Variants in CRTC1 observed in about 807,000 individuals in gnomAD.
CRTC1 encodes the protein CREB-regulated transcription coactivator 1.
CRTC1 carries 18 observed loss-of-function variants against 66.1 expected under a neutral mutation model. The observed-to-expected ratio is 0.27, with a 90% CI of 0.19 to 0.40. The LOEUF (loss-of-function observed/expected upper bound fraction) is 0.40, where lower values mean the gene tolerates loss of function less well. CRTC1 is among the 10% of genes least tolerant of loss of function. The pLI is 1.00. For missense variants in CRTC1, 669 were observed against 887.9 expected, an observed-to-expected ratio of 0.75 and a Z score of 3.13; for synonymous variants, 416 against 398.8, an observed-to-expected ratio of 1.04 and a Z score of -0.51.
chr19:18,730,904 G>C (rs1391329587), intron 1 of CRTC1, among the ~76,000 whole-genome samples: 2 of 152,184 alleles, frequency 1.3e-5, no homozygotes, highest in Admixed American at 1.3e-4. Context: ...AGCTTGGAGA[G>C]GGAAGGGCTT....
intron 5 of CRTC1, among the ~76,000 whole-genome samples, chr19:18,752,644 TC>T (rs1163871715): frequency 6.6e-6 from 1 of 150,740 alleles, no homozygotes; most frequent in African/African-American, 2.4e-5. Context: ...TCTCTTTCTT[TC>T]TTTTTTTTTT....
intron 1 of CRTC1, among the ~76,000 whole-genome samples, chr19:18,726,934 A>G (rs1183317241): frequency 3.4e-4 from 51 of 150,312 alleles, no homozygotes; most frequent in African/African-American, 9.8e-4. Flanking sequence ...TTGGGGAAAA[A>G]AAAAAAAAAA....
In CRTC1 at chr19:18,703,417, G is replaced by A. The variant is rs571167293; in HGVS notation, c.126+19589G>A. ...CCTTTAAGCACCTTCTCTGGACAGG[G>A]TTGTGTGTTGCATTTATTTACTTAC... is the stretch of plus-strand genomic sequence containing the variant. On this transcript the variant is annotated intron_variant, in intron 1 of 13. Transcript: ENST00000321949. Among the ~76,000 whole-genome samples the A allele has an allele frequency of 2.0e-5, 3 of 152,248 alleles. No individual in the cohort carries two copies. The South Asian group carries it at 6.2e-4, about 32-fold the overall frequency.
intron 1 of CRTC1, among the ~76,000 whole-genome samples, chr19:18,728,450 A>G (rs910240692): frequency 6.6e-6 from 1 of 152,172 alleles, no homozygotes; most frequent in African/African-American, 2.4e-5. Context: ...AAGTCACTTG[A>G]AAAAGCAGTC....
At chr19:18,776,945 C>G (rs1041568999) in intron 13 of CRTC1, among the ~76,000 whole-genome samples, 1 of 152,202 alleles carries the variant, frequency 6.6e-6, no homozygotes, top group East Asian at 1.9e-4. Context: ...ACATCTGGAG[C>G]TGACATCTAG....
In CRTC1 at chr19:18,780,275, A is replaced by G. The variant is rs754679045; in HGVS notation, c.*2893A>G. On this transcript the variant is annotated 3_prime_UTR_variant, in exon 14 of 14. Coordinates refer to ENST00000321949, the MANE Select transcript of CRTC1 (RefSeq NM_015321.3). ...CTTCTGCAGACCCTCTGCTGGGTAC[A>G]TCGGTCCCCTACGGCGAAGTTCAGC... The G allele has an allele frequency of 3.5e-5, 8 of 231,296 alleles. No homozygotes were observed. Among genetic ancestry groups the G allele is most frequent in the Non-Finnish European group, 6.0e-5 (7 of 116,928 alleles). 14.3% of individuals were successfully genotyped at this position (231,296 alleles called of 1,614,324 possible). A position where few individuals can be genotyped will look rare whatever the true frequency, so the allele number is the denominator to read the frequency against.
In CRTC1 at chr19:18,721,775, G is replaced by A. The variant is rs530407779; in HGVS notation, c.127-21135G>A. 7.4e-4 allele frequency among the ~76,000 whole-genome samples: 113 copies of A among 152,320 alleles called. 1 individual carries two copies. The highest frequency in any genetic ancestry group is 2.6e-3 in the African/African-American group (108 of 41,566). On this transcript the variant is annotated intron_variant, in intron 1 of 13. Coordinates refer to ENST00000321949, the MANE Select transcript of CRTC1 (RefSeq NM_015321.3). Reference sequence around the variant, plus strand: ...CTCCCAAAGTGTTGGGATTATAGGCGTGAGCCATGCACCTGGCCTCGACCT... The same window carrying A: ...CTCCCAAAGTGTTGGGATTATAGGCATGAGCCATGCACCTGGCCTCGACCT...
chr19:18,769,847 G>C (rs1342060374), intron 10 of CRTC1, among the ~76,000 whole-genome samples: 1 of 152,120 alleles, frequency 6.6e-6, no homozygotes, highest in African/African-American at 2.4e-5. Context: ...TAGCCTCCTG[G>C]GGTTGAGGGG....
In CRTC1 at chr19:18,768,915, G is replaced by T; in HGVS notation, c.1320+122G>T. ...AGGGGTCAGAACCCCAGCGAACGCT[G>T]CCTGGGCCCACCTCTCCACGGGGCT... On this transcript the variant is annotated intron_variant, in intron 10 of 13. Transcript: ENST00000321949. The surrounding 1 kb of genome is among the most constrained non-coding windows in gnomAD (Gnocchi z 5.6). 7.8e-7 allele frequency: 1 copy of T among 1,281,392 alleles called. No individual in the cohort carries two copies. The highest frequency in any genetic ancestry group is 1.1e-6 in the Non-Finnish European group (1 of 951,794). The allele number at this position is 1,281,392 out of a possible 1,614,324, so 79.4% of individuals were successfully genotyped here. A position where few individuals can be genotyped will look rare whatever the true frequency, so the allele number is the denominator to read the frequency against.
At chr19:18,720,087 G>C (rs945570075) in intron 1 of CRTC1, among the ~76,000 whole-genome samples, 1 of 152,244 alleles carries the variant, frequency 6.6e-6, no homozygotes, top group East Asian at 1.9e-4. Context: ...ATAGACGTGT[G>C]CTTGCACATT....
At chr19:18,718,936 G>A (rs571408084) in intron 1 of CRTC1, among the ~76,000 whole-genome samples, 3 of 152,240 alleles carry the variant, frequency 2.0e-5, no homozygotes, top group African/African-American at 7.2e-5. Context: ...AGCATAACAC[G>A]ATTTGAACTG....
At chr19:18,751,192 C>G (rs1050278174) in intron 5 of CRTC1, among the ~76,000 whole-genome samples, 1 of 152,032 alleles carries the variant, frequency 6.6e-6, no homozygotes, top group African/African-American at 2.4e-5. Flanking sequence ...CTCCCAGTTA[C>G]AAGTAAAAAA....
chr19:18,776,766 G>A (rs2054998301), intron 13 of CRTC1, among the ~76,000 whole-genome samples: 1 of 152,212 alleles, frequency 6.6e-6, no homozygotes, highest in Admixed American at 6.5e-5. Context: ...ATTCCCTCCA[G>A]CCCTAGCAGC....
At chr19:18,688,729 C>T (rs888781468) in intron 1 of CRTC1, among the ~76,000 whole-genome samples, 8 of 152,048 alleles carry the variant, frequency 5.3e-5, no homozygotes, top group Middle Eastern at 3.2e-3. Flanking sequence ...TGAGCCACGG[C>T]GCCTGGCCCC....
chr19:18,764,622 T>G (rs947962830), intron 8 of CRTC1, among the ~76,000 whole-genome samples: 8 of 152,164 alleles, frequency 5.3e-5, no homozygotes, highest in Non-Finnish European at 1.0e-4. Context: ...TGGCAGGACC[T>G]CCAGCAGGAA....
rs1379086459 is a variant in CRTC1, at chr19:18,683,720, T to C, written c.18T>C (p.Asn6=). The change falls in exon 1 of 14, where the codon AAT becomes AAC. Residue 6 remains asparagine, a synonymous_variant. Transcript: ENST00000321949. ...GCGAGAAGATGGCGACTTCGAACAA[T>C]CCGCGGAAATTCAGCGAGAAGATCG... MATSN[N]PRKFSEKIAL... is the part of the protein sequence containing the mutation. 2 of 1,398,864 alleles carry C rather than the reference T, an allele frequency of 1.4e-6. No homozygotes were observed. The highest frequency in any genetic ancestry group is 1.5e-5 in the African/African-American group (1 of 65,378). 86.7% of individuals were successfully genotyped at this position (1,398,864 alleles called of 1,614,324 possible).
chr19:18,772,330 C>T lies in CRTC1; in HGVS notation c.1425+784C>T, dbSNP rs576466698. ...CCACATTCCATCTAGAACATTTGTC[C>T]GGGAGAAGGGGTGCCCACAAGGCCA... On this transcript the variant is annotated intron_variant, in intron 11 of 13. Transcript: ENST00000321949. 5.3e-5 allele frequency among the ~76,000 whole-genome samples: 8 copies of T among 152,244 alleles called. No individual in the cohort carries two copies. The East Asian group carries it at 7.7e-4, about 15-fold the overall frequency.
chr19:18,684,849 C>G (rs2052650246), intron 1 of CRTC1, among the ~76,000 whole-genome samples: 1 of 148,794 alleles, frequency 6.7e-6, no homozygotes, highest in Non-Finnish European at 1.5e-5. Flanking sequence ...GGTGTCTGAG[C>G]ACGGCAAGGC....
At chr19:18,708,961 TG>T (rs1442379627) in intron 1 of CRTC1, among the ~76,000 whole-genome samples, 2 of 152,056 alleles carry the variant, frequency 1.3e-5, no homozygotes, top group African/African-American at 4.8e-5. Flanking sequence ...CTGTCCTCCG[TG>T]GGGTGCTGTC....
Sources: allele counts gnomAD v4.1 joint callset (sites outside exome capture counted in the v4.1 genomes callset), GRCh38; gene constraint gnomAD v4.1.1; non-coding constraint Gnocchi (gnomAD v3.1); transcripts MANE v1.5; gene names NCBI Gene and HGNC (gene_info 2026-07-23, HGNC 2026-07-21).